The following MYRIP variants were observed in gnomAD, a reference collection of about 807,000 sequenced individuals.
The protein encoded by MYRIP is rab effector MyRIP.
A neutral mutation model predicts 98.0 loss-of-function variants in MYRIP; 49 were observed. The observed-to-expected ratio is 0.50, with a 90% CI of 0.40 to 0.63. MYRIP has a LOEUF of 0.63. MYRIP is among the 30% of genes least tolerant of loss of function. The pLI, the probability that MYRIP is intolerant of heterozygous loss-of-function variation, is 0.00. For synonymous variants in MYRIP, 404 were observed against 409.5 expected, an observed-to-expected ratio of 0.99 and a Z score of 0.16; for missense variants, 1,004 against 1,058.2, an observed-to-expected ratio of 0.95 and a Z score of 0.71.
chr3:40,001,306 G>A (rs954913928), intron 2 of MYRIP, among the ~76,000 whole-genome samples: 1 of 152,178 alleles, frequency 6.6e-6, no homozygotes, highest in Non-Finnish European at 1.5e-5. Flanking sequence ...TCAATAAACA[G>A]AGCCATGAGA....
intron 3 of MYRIP, among the ~76,000 whole-genome samples, chr3:40,125,915 A>C (rs543835164): frequency 2.6e-5 from 4 of 152,138 alleles, no homozygotes; most frequent in Non-Finnish European, 5.9e-5. Context: ...TCCCAGTGAC[A>C]TACTCAGGGG....
chr3:40,167,699 C>G (rs1411599759), intron 7 of MYRIP, among the ~76,000 whole-genome samples: 1 of 152,202 alleles, frequency 6.6e-6, no homozygotes, highest in Non-Finnish European at 1.5e-5. Context: ...TATCCCAAAG[C>G]CACCACACTT....
chr3:39,830,231 T>G (rs190039124), intron 1 of MYRIP, among the ~76,000 whole-genome samples: 53 of 152,298 alleles, frequency 3.5e-4, no homozygotes, highest in African/African-American at 1.3e-3. Flanking sequence ...AGGGCAATAT[T>G]CTATTCACTT....
chr3:39,922,706 CAG>C (rs1052935368), intron 2 of MYRIP, among the ~76,000 whole-genome samples: 29 of 152,254 alleles, frequency 1.9e-4, no homozygotes, highest in South Asian at 4.2e-4. Context: ...GCAGTAAATC[CAG>C]AGTGTTGTCA....
At chr3:39,998,572 A>G (rs1384163215) in intron 2 of MYRIP, among the ~76,000 whole-genome samples, 1 of 152,244 alleles carries the variant, frequency 6.6e-6, no homozygotes, top group Non-Finnish European at 1.5e-5. Context: ...ACAGGTAGGA[A>G]GAATCAATAT....
intron 3 of MYRIP, among the ~76,000 whole-genome samples, chr3:40,063,182 T>C (rs1424390671): frequency 2.0e-5 from 3 of 152,194 alleles, no homozygotes; most frequent in African/African-American, 7.2e-5. Flanking sequence ...AGAAAATGTT[T>C]GGATTAAAGA....
intron 2 of MYRIP, among the ~76,000 whole-genome samples, chr3:39,923,387 G>C (rs1204536892): frequency 1.3e-5 from 2 of 151,996 alleles, no homozygotes; most frequent in South Asian, 4.2e-4. Flanking sequence ...TCCACACCAA[G>C]ACACATCCTA....
chr3:39,927,577 C>T lies in MYRIP; in HGVS notation c.110+26651C>T, dbSNP rs929634168. On this transcript the variant is annotated intron_variant, in intron 2 of 16. Transcript: ENST00000302541. Reference sequence around the variant, plus strand: ...AAAAACCTACCAACCAAAAAAATCCCTGCACCAGATGGATTCACAGCCGAA... The same window carrying T: ...AAAAACCTACCAACCAAAAAAATCCTTGCACCAGATGGATTCACAGCCGAA... Among the ~76,000 whole-genome samples, 19 of 151,930 alleles carry T rather than the reference C, an allele frequency of 1.3e-4. 1 individual carries two copies. Among genetic ancestry groups the T allele is most frequent in the Non-Finnish European group, 4.4e-5 (3 of 67,934 alleles).
chr3:40,218,469 C>A (rs1378986438), intron 11 of MYRIP, among the ~76,000 whole-genome samples: 1 of 151,112 alleles, frequency 6.6e-6, no homozygotes, highest in Non-Finnish European at 1.5e-5. Flanking sequence ...TATTCTATAT[C>A]TTGATTTGGT....
chr3:40,254,382 C>G (rs1953502016), intron 16 of MYRIP, among the ~76,000 whole-genome samples: 1 of 140,028 alleles, frequency 7.1e-6, no homozygotes, highest in Admixed American at 8.3e-5. Context: ...GTGACACAGA[C>G]AAATGGGGCA....
intron 3 of MYRIP, among the ~76,000 whole-genome samples, chr3:40,095,862 C>T (rs990033961): frequency 2.0e-4 from 31 of 151,750 alleles, no homozygotes; most frequent in African/African-American, 6.1e-4. Context: ...CCCTCTCCCA[C>T]TTGTCCTTCC....
chr3:39,823,269 C>T (rs548382435), intron 1 of MYRIP, among the ~76,000 whole-genome samples: 2 of 152,296 alleles, frequency 1.3e-5, no homozygotes, highest in South Asian at 4.1e-4. Context: ...CCGCCTCGGC[C>T]TCCCAAAGTG....
intron 10 of MYRIP, among the ~76,000 whole-genome samples, chr3:40,193,889 AC>A (rs1241632478): frequency 3.0e-5 from 1 of 33,620 alleles, no homozygotes; most frequent in African/African-American, 7.2e-5. Flanking sequence ...TTACATTTAT[AC>A]TTTTTTTATC....
intron 12 of MYRIP, among the ~76,000 whole-genome samples, chr3:40,238,289 A>G (rs1254847820): frequency 6.6e-6 from 1 of 152,202 alleles, no homozygotes; most frequent in African/African-American, 2.4e-5. Context: ...TCAACAGATC[A>G]CAGAGCCATG....
chr3:40,233,970 C>T lies in MYRIP; in HGVS notation c.2017C>T (p.Pro673Ser), dbSNP rs34800524. ...STGPWESPQV[P>S]PDRQKGMFPR... ...AGGGCCCTGGGAGTCCCCACAAGTCCCTCCTGACAGACAGAAGGGGATGTT... is the reference window on the plus strand; with the variant it reads ...AGGGCCCTGGGAGTCCCCACAAGTCTCTCCTGACAGACAGAAGGGGATGTT... The change falls in exon 12 of 17, where the codon CCT (proline) becomes TCT (serine). Residue 673 changes from proline (P) to serine (S), a missense_variant. Physicochemically the swap from Pro to Ser is moderately conservative, Grantham distance 74. Around this residue, in one of 3 missense-constraint regions of MYRIP, gnomAD observed 880 missense variants for 907.7 expected, o/e 0.97. Transcript: ENST00000302541. 0.046 allele frequency: 74,705 copies of T among 1,613,330 alleles called. 1,991 individuals are homozygous for T. Among genetic ancestry groups the T allele is most frequent in the African/African-American group, 0.092 (6,901 of 74,954 alleles).
chr3:39,925,197 T>A (rs971911849), intron 2 of MYRIP, among the ~76,000 whole-genome samples: 7 of 151,458 alleles, frequency 4.6e-5, no homozygotes, highest in African/African-American at 1.7e-4. Flanking sequence ...AAATAAATCT[T>A]CAGCAAGACT....
chr3:39,815,907 T>C (rs1940889146), intron 1 of MYRIP, among the ~76,000 whole-genome samples: 1 of 151,374 alleles, frequency 6.6e-6, no homozygotes, highest in African/African-American at 2.4e-5. Context: ...TTTTCAATTA[T>C]GCTTATGTTA....
At chr3:39,982,493 T>C (rs1945918552) in intron 2 of MYRIP, among the ~76,000 whole-genome samples, 1 of 152,218 alleles carries the variant, frequency 6.6e-6, no homozygotes, top group African/African-American at 2.4e-5. Flanking sequence ...ACATTATTTA[T>C]AAATGCTCGA....
At chr3:40,209,405 A>G (rs895434729) in intron 10 of MYRIP, 6 of 156,246 alleles carry the variant, frequency 3.8e-5, no homozygotes, top group African/African-American at 1.4e-4. Context: ...TGATCATTAC[A>G]CAATGTAGGC....
Sources: allele counts gnomAD v4.1 joint callset (sites outside exome capture counted in the v4.1 genomes callset), GRCh38; gene constraint gnomAD v4.1.1; regional missense constraint gnomAD v4.1.1; transcripts MANE v1.5; gene names NCBI Gene and HGNC (gene_info 2026-07-23, HGNC 2026-07-21).